The following TMCO5A variants were observed in gnomAD, a reference collection of about 807,000 sequenced individuals.
The protein encoded by TMCO5A is transmembrane and coiled-coil domains 5A.
Under a neutral mutation model 42.3 loss-of-function variants are expected in TMCO5A, and 34 were observed. The ratio of observed to expected loss-of-function variants is 0.80; its 90% CI spans 0.61 to 1.07. The LOEUF (loss-of-function observed/expected upper bound fraction) is 1.07, where lower values mean the gene tolerates loss of function less well. TMCO5A is among the 50% of genes least tolerant of loss of function. The pLI is 0.00. For missense variants in TMCO5A, 357 were observed against 327.9 expected, an observed-to-expected ratio of 1.09 and a Z score of -0.69; for synonymous variants, 131 against 115.6, an observed-to-expected ratio of 1.13 and a Z score of -0.86.
the TMCO5A span, among the ~76,000 whole-genome samples, chr15:38,021,410 T>C: frequency 5.9e-5 from 9 of 152,192 alleles, no homozygotes; most frequent in African/African-American, 1.9e-4. Flanking sequence ...TATTTCCACC[T>C]TGTGGCTCCA....
At chr15:37,947,222 T>A (rs1889996432) in intron 10 of TMCO5A, among the ~76,000 whole-genome samples, 1 of 151,948 alleles carries the variant, frequency 6.6e-6, no homozygotes, top group Non-Finnish European at 1.5e-5. Context: ...CACTCATCTT[T>A]AGATTTTTTA....
intron 11 of TMCO5A, among the ~76,000 whole-genome samples, chr15:37,949,124 C>T (rs1298689417): frequency 6.6e-6 from 1 of 151,316 alleles, no homozygotes; most frequent in Non-Finnish European, 1.5e-5. Context: ...GCCATAAGGC[C>T]TAAATAACTC....
chr15:38,010,108 TCCC>T, the TMCO5A span, among the ~76,000 whole-genome samples: 55 of 151,490 alleles, frequency 3.6e-4, no homozygotes, highest in Non-Finnish European at 7.5e-4. Flanking sequence ...GCGCGGTGGC[TCCC>T]GCCTGTAATC....
At chr15:38,032,921 G>A in the TMCO5A span, among the ~76,000 whole-genome samples, 1 of 139,002 alleles carries the variant, frequency 7.2e-6, no homozygotes, top group Non-Finnish European at 1.5e-5. Flanking sequence ...CATGAAATTT[G>A]GTCTCTTTTT....
the TMCO5A span, among the ~76,000 whole-genome samples, chr15:38,008,105 C>G: frequency 1.3e-5 from 2 of 151,646 alleles, no homozygotes; most frequent in African/African-American, 2.4e-5. Flanking sequence ...CCATGTTAGC[C>G]GGGATGGTCT....
chr15:38,038,025 T>TA, the TMCO5A span, among the ~76,000 whole-genome samples: 2,573 of 145,478 alleles, frequency 0.018, 37 homozygotes, highest in Non-Finnish European at 0.027. Context: ...AAAAAAAAAA[T>TA]AAAAAAAAAA....
At chr15:37,995,201 C>T in the TMCO5A span, among the ~76,000 whole-genome samples, 1 of 152,174 alleles carries the variant, frequency 6.6e-6, no homozygotes, top group African/African-American at 2.4e-5. Context: ...GACCTTTGTG[C>T]CAGCTACAAA....
chr15:37,979,931 C>G, the TMCO5A span, among the ~76,000 whole-genome samples: 1 of 151,830 alleles, frequency 6.6e-6, no homozygotes, highest in African/African-American at 2.4e-5. Context: ...CATAAGACAG[C>G]TGCACTGTGT....
At chr15:37,980,408 A>G in the TMCO5A span, among the ~76,000 whole-genome samples, 1 of 151,978 alleles carries the variant, frequency 6.6e-6, no homozygotes, top group South Asian at 2.1e-4. Flanking sequence ...CTAGAGGCCC[A>G]TTTCCCGGCA....
At chr15:37,939,388 TC>T (rs1304464804) in intron 6 of TMCO5A, among the ~76,000 whole-genome samples, 1 of 152,050 alleles carries the variant, frequency 6.6e-6, no homozygotes, top group Non-Finnish European at 1.5e-5. Flanking sequence ...AAGAGAGAAA[TC>T]AGGAAGAAAT....
chr15:37,948,282 C>T (rs1433380781), intron 11 of TMCO5A, among the ~76,000 whole-genome samples: 1 of 152,174 alleles, frequency 6.6e-6, no homozygotes, highest in South Asian at 2.1e-4. Flanking sequence ...GAAGCTCCTA[C>T]ATTTTCAAGA....
At chr15:38,015,813 G>A in the TMCO5A span, among the ~76,000 whole-genome samples, 1 of 152,128 alleles carries the variant, frequency 6.6e-6, no homozygotes. Context: ...AACTGAAAAG[G>A]CTTTTTACTA....
At chr15:37,965,391 G>T (rs12595488) in intron 11 of TMCO5A, among the ~76,000 whole-genome samples, 3 of 152,040 alleles carry the variant, frequency 2.0e-5, no homozygotes, top group African/African-American at 7.2e-5. Flanking sequence ...AGGCAACCAA[G>T]ACAAAAGTGG....
At chr15:38,033,276 C>T in the TMCO5A span, among the ~76,000 whole-genome samples, 1 of 152,174 alleles carries the variant, frequency 6.6e-6, no homozygotes, top group Non-Finnish European at 1.5e-5. Context: ...TTCCAGAGCA[C>T]TGAGCTTCTA....
downstream of TMCO5A, among the ~76,000 whole-genome samples, chr15:37,951,728 C>A (rs1055647077): frequency 6.6e-6 from 1 of 151,964 alleles, no homozygotes; most frequent in Admixed American, 6.6e-5. Context: ...AAGACTCCAC[C>A]AATTATCCCC....
chr15:37,991,143 A>G, the TMCO5A span, among the ~76,000 whole-genome samples: 1 of 152,152 alleles, frequency 6.6e-6, no homozygotes, highest in Non-Finnish European at 1.5e-5. Flanking sequence ...CAAAGTTACA[A>G]TAATACTAGC....
chr15:37,992,605 A>G, the TMCO5A span, among the ~76,000 whole-genome samples: 1 of 152,224 alleles, frequency 6.6e-6, no homozygotes, highest in African/African-American at 2.4e-5. Flanking sequence ...CTAAATGCCT[A>G]TCAATGGTAG....
chr15:37,934,972 C>T (rs1489852393), intron 1 of TMCO5A, among the ~76,000 whole-genome samples: 1 of 152,086 alleles, frequency 6.6e-6, no homozygotes, highest in African/African-American at 2.4e-5. Flanking sequence ...GTATAAACTT[C>T]CACAGGGTTT....
At chr15:38,027,632 G>T in the TMCO5A span, among the ~76,000 whole-genome samples, 1 of 152,112 alleles carries the variant, frequency 6.6e-6, no homozygotes, top group East Asian at 1.9e-4. Context: ...CATGAGATTT[G>T]GGTGGGGCCA....
Sources: allele counts gnomAD v4.1 joint callset (sites outside exome capture counted in the v4.1 genomes callset), GRCh38; gene constraint gnomAD v4.1.1; transcripts MANE v1.5; gene names NCBI Gene and HGNC (gene_info 2026-07-23, HGNC 2026-07-21).